Variants in DOCK1 observed in about 807,000 individuals in gnomAD.
DOCK1 encodes the protein dedicator of cytokinesis 1.
DOCK1 carries 138 observed loss-of-function variants against 262.7 expected under a neutral mutation model. That is an observed-to-expected ratio of 0.53 (90% CI 0.46 to 0.61). The LOEUF (loss-of-function observed/expected upper bound fraction) is 0.61. Among genes scored for constraint, DOCK1 ranks in the 20% least tolerant of loss-of-function variants. The pLI is 0.00. For synonymous variants in DOCK1, 866 were observed against 867.4 expected, an observed-to-expected ratio of 1.00 and a Z score of 0.03; for missense variants, 1,908 against 2,370.7, an observed-to-expected ratio of 0.80 and a Z score of 4.05.
intron 1 of DOCK1, among the ~76,000 whole-genome samples, chr10:126,945,274 C>A (rs1310734697): frequency 6.6e-6 from 1 of 151,880 alleles, no homozygotes; most frequent in Non-Finnish European, 1.5e-5. Context: ...CTTCTGAGCT[C>A]ACATGGTGGT....
chr10:127,255,410 G>T (rs1364376574), intron 28 of DOCK1, among the ~76,000 whole-genome samples: 1 of 152,008 alleles, frequency 6.6e-6, no homozygotes, highest in Non-Finnish European at 1.5e-5. Context: ...AAAATAAATA[G>T]AAACTAAAAC....
chr10:126,994,274 CAGAG>C (rs1472671160), intron 6 of DOCK1, among the ~76,000 whole-genome samples: 1 of 152,026 alleles, frequency 6.6e-6, no homozygotes, highest in Non-Finnish European at 1.5e-5. Context: ...TTTGAGGAAT[CAGAG>C]AGAATATTCC....
intron 27 of DOCK1, chr10:127,153,830 G>A (rs755757320): frequency 6.4e-7 from 1 of 1,563,906 alleles, no homozygotes; most frequent in Admixed American, 1.7e-5. Flanking sequence ...AAGAAAGTGG[G>A]AAGAGGAGAA....
chr10:127,336,010 C>T (rs541483689), intron 29 of DOCK1, among the ~76,000 whole-genome samples: 8 of 152,092 alleles, frequency 5.3e-5, no homozygotes, highest in South Asian at 2.1e-4. Flanking sequence ...GCCACCATGC[C>T]CAGCCTGTAA....
At chr10:127,067,133 A>T (rs1353308110) in intron 23 of DOCK1, among the ~76,000 whole-genome samples, 1 of 152,222 alleles carries the variant, frequency 6.6e-6, no homozygotes, top group East Asian at 1.9e-4. Flanking sequence ...TGCCACAAGA[A>T]TTGGGTGAGT....
At chr10:126,957,863 G>A (rs1209833648) in intron 1 of DOCK1, among the ~76,000 whole-genome samples, 1 of 152,188 alleles carries the variant, frequency 6.6e-6, no homozygotes, top group Non-Finnish European at 1.5e-5. Context: ...ACATTGTGAT[G>A]TGTTGATATG....
chr10:127,048,760 G>A (rs947456812), intron 21 of DOCK1, among the ~76,000 whole-genome samples: 1 of 152,180 alleles, frequency 6.6e-6, no homozygotes, highest in South Asian at 2.1e-4. Context: ...GTTCTGTTGG[G>A]CATCACTGTT....
At chr10:127,015,781 T>C (rs4396200) in intron 12 of DOCK1, 61,911 of 152,436 alleles carry the variant, frequency 0.41, 12,861 homozygotes, top group African/African-American at 0.48. Flanking sequence ...CCCACTGTGC[T>C]CTGTTCTCCT....
chr10:127,022,005 C>G (rs2042462918), intron 13 of DOCK1, among the ~76,000 whole-genome samples: 1 of 152,118 alleles, frequency 6.6e-6, no homozygotes, highest in Non-Finnish European at 1.5e-5. Context: ...AGCAGAGGAG[C>G]AGTGGCTGGG....
chr10:127,222,110 C>G (rs2058458905), intron 27 of DOCK1, among the ~76,000 whole-genome samples: 3 of 152,244 alleles, frequency 2.0e-5, no homozygotes, highest in African/African-American at 7.2e-5. Context: ...TAGCGTCGTT[C>G]ATTGCTTTTT....
intron 27 of DOCK1, among the ~76,000 whole-genome samples, chr10:127,231,541 TC>T (rs2058842241): frequency 6.6e-6 from 1 of 152,044 alleles, no homozygotes; most frequent in Non-Finnish European, 1.5e-5. Flanking sequence ...TTCCTCAGCC[TC>T]CCCAGCAGCT....
chr10:127,247,602 G>C (rs1199829956), intron 27 of DOCK1, among the ~76,000 whole-genome samples: 1 of 152,106 alleles, frequency 6.6e-6, no homozygotes, highest in Non-Finnish European at 1.5e-5. Flanking sequence ...AGTATTTCAA[G>C]CTTATTTTTC....
intron 35 of DOCK1, among the ~76,000 whole-genome samples, chr10:127,376,177 TG>T (rs1430877045): frequency 6.6e-6 from 1 of 152,154 alleles, no homozygotes; most frequent in Non-Finnish European, 1.5e-5. Flanking sequence ...AGGGCTCTAA[TG>T]GGAAAAGTAG....
In DOCK1 at chr10:127,266,480, A is replaced by AAC. The variant is rs68190118; in HGVS notation, c.3044+9077_3044+9078dup. ...CAAAACACAACTAGCTAAGTACCAAAACACACACACACACACACACACACA... is the reference window on the plus strand; with the variant it reads ...CAAAACACAACTAGCTAAGTACCAAAACACACACACACACACACACACACACA... On this transcript the variant is annotated intron_variant, in intron 29 of 51. Transcript: ENST00000623213. Among the ~76,000 whole-genome samples, 1,193 of 149,278 alleles carry AAC rather than the reference A, an allele frequency of 8.0e-3. 15 individuals are homozygous for AAC. Among genetic ancestry groups the AAC allele is most frequent in the African/African-American group, 0.024 (980 of 40,460 alleles).
At chr10:126,972,992 G>A (rs1446101662) in intron 2 of DOCK1, among the ~76,000 whole-genome samples, 1 of 151,712 alleles carries the variant, frequency 6.6e-6, no homozygotes, top group Non-Finnish European at 1.5e-5. Context: ...AGGAGACAGA[G>A]AGAAATTAAG....
Position 127,032,190 on chromosome 10 carries a change from G to A in DOCK1, c.1782G>A (p.Thr594=), listed in dbSNP as rs116718757. 2.8e-4 allele frequency: 454 copies of A among 1,599,386 alleles called. 3 individuals carry two copies. The African/African-American group carries it at 5.4e-3, about 19-fold the overall frequency. The change falls in exon 18 of 52, where the codon ACG becomes ACA. Residue 594 remains threonine (T), a synonymous_variant. Coordinates refer to ENST00000623213, the MANE Select transcript of DOCK1 (RefSeq NM_001290223.2). ...DAATYLSLPS[T]KAELEEKGHS... The stretch of plus-strand genomic sequence containing the variant: ...CCACGTACTTGAGTCTGCCCTCCAC[G>A]AAGGCAGAGTTGGAAGAAAAGGGCC...
intron 27 of DOCK1, among the ~76,000 whole-genome samples, chr10:127,199,025 G>T (rs2057340136): frequency 6.6e-6 from 1 of 151,350 alleles, no homozygotes; most frequent in Non-Finnish European, 1.5e-5. Flanking sequence ...TATTTTTAGG[G>T]TCTAGAATGA....
At chr10:127,132,781 C>T (rs780055000) in intron 27 of DOCK1, among the ~76,000 whole-genome samples, 3 of 152,132 alleles carry the variant, frequency 2.0e-5, no homozygotes, top group Non-Finnish European at 4.4e-5. Flanking sequence ...GATTTACATT[C>T]TTTTAATGGG....
At chr10:127,140,665 G>GAGTCTCTGGGTTGAGTTTGACACACCA (rs2051151691) in intron 27 of DOCK1, among the ~76,000 whole-genome samples, 3 of 152,162 alleles carry the variant, frequency 2.0e-5, no homozygotes, top group Admixed American at 6.6e-5. Flanking sequence ...TTGACACACC[G>GAGTCTCTGGGTTGAGTTTGACACACCA]AGTCTCTGGG....
Sources: allele counts gnomAD v4.1 joint callset (sites outside exome capture counted in the v4.1 genomes callset), GRCh38; gene constraint gnomAD v4.1.1; transcripts MANE v1.5; gene names NCBI Gene and HGNC (gene_info 2026-07-23, HGNC 2026-07-21).